LCLAT1: variants seen among roughly 807,000 people sequenced by gnomAD.
LCLAT1 encodes the protein lysocardiolipin acyltransferase 1.
A neutral mutation model predicts 30.7 loss-of-function variants in LCLAT1; 11 were observed. The ratio of observed to expected loss-of-function variants is 0.36; its 90% confidence interval spans 0.23 to 0.59. The LOEUF (loss-of-function observed/expected upper bound fraction) is 0.59, where lower values mean the gene tolerates loss of function less well. Ranked by LOEUF, LCLAT1 falls within the 20% of genes least tolerant of loss-of-function variation. The pLI is 0.77. For synonymous variants in LCLAT1, 155 were observed against 151.3 expected (o/e 1.02, Z -0.18); for missense variants, 402 against 458.6 (o/e 0.88, Z 1.13).
chr2:30,601,768 G>A (rs1667195101), intron 5 of LCLAT1, among the ~76,000 whole-genome samples: 1 of 151,478 alleles, frequency 6.6e-6, no homozygotes, highest in Admixed American at 6.6e-5. Flanking sequence ...TGACATAAAT[G>A]TTGTATATAA....
Position 30,492,540 on chromosome 2 carries a change from G to C in LCLAT1, c.-4-33047G>C, listed in dbSNP as rs1056957364. On this transcript the variant is annotated intron_variant, in intron 1 of 5. Coordinates refer to ENST00000379509, the MANE Select transcript of LCLAT1 (RefSeq NM_001002257.3). ...AAGACCTTGAATTTTAACAGTAGGA[G>C]TTTGGACTCTAAGAAGTTAAGAGTT... Among the ~76,000 whole-genome samples the C allele has an allele frequency of 7.4e-5, 11 of 148,782 alleles. No homozygotes were observed. The South Asian group carries it at 2.2e-3, about 30-fold the overall frequency.
At chr2:30,461,746 G>A (rs1553354394) in intron 1 of LCLAT1, among the ~76,000 whole-genome samples, 2 of 149,506 alleles carry the variant, frequency 1.3e-5, no homozygotes, top group Non-Finnish European at 3.0e-5. Flanking sequence ...TCTGGCTGCT[G>A]TGGACCACTT....
intron 5 of LCLAT1, among the ~76,000 whole-genome samples, chr2:30,594,372 G>A (rs560445312): frequency 6.6e-6 from 1 of 152,174 alleles, no homozygotes; most frequent in South Asian, 2.1e-4. Flanking sequence ...CCACCACCTA[G>A]AGTCTCCTCC....
At chr2:30,499,899 T>G (rs1244340975) in intron 1 of LCLAT1, among the ~76,000 whole-genome samples, 3 of 150,562 alleles carry the variant, frequency 2.0e-5, no homozygotes, top group African/African-American at 7.3e-5. Context: ...CACTTTAAGA[T>G]AAATAGAGTT....
rs1192714768 is a variant in LCLAT1, at chr2:30,596,490, G to GT, written c.628+28324dup. On this transcript the variant is annotated intron_variant, in intron 5 of 5. Transcript: ENST00000379509. ...CCTTGCCCACTTTTTTAATGGGGTTGTTTTTTTTTTCTTGTAAATTTGTTT... is the reference window on the plus strand; with the variant it reads ...CCTTGCCCACTTTTTTAATGGGGTTGTTTTTTTTTTTCTTGTAAATTTGTTT... Among the ~76,000 whole-genome samples, 705 of 147,816 alleles carry GT rather than the reference G, an allele frequency of 4.8e-3. 5 individuals carry two copies. Among genetic ancestry groups the GT allele is most frequent in the African/African-American group, 0.015 (588 of 40,448 alleles).
At chr2:30,605,836 C>A (rs543497131) in intron 5 of LCLAT1, among the ~76,000 whole-genome samples, 1 of 152,088 alleles carries the variant, frequency 6.6e-6, no homozygotes, top group African/African-American at 2.4e-5. Flanking sequence ...CATTTGTCCA[C>A]GGCTCGGGGA....
chr2:30,602,330 A>G (rs1043732471), intron 5 of LCLAT1, among the ~76,000 whole-genome samples: 2 of 152,204 alleles, frequency 1.3e-5, no homozygotes, highest in African/African-American at 4.8e-5. Flanking sequence ...GGGAGGAGTT[A>G]TAGTTCACTC....
intron 3 of LCLAT1, among the ~76,000 whole-genome samples, chr2:30,558,602 A>G (rs1376761195): frequency 6.6e-6 from 1 of 151,520 alleles, no homozygotes; most frequent in Non-Finnish European, 1.5e-5. Context: ...TGTCTCAAAA[A>G]AAAAAAAAAA....
At chr2:30,476,630 A>C (rs188698268) in intron 1 of LCLAT1, 30 of 420,974 alleles carry the variant, frequency 7.1e-5, no homozygotes, top group Non-Finnish European at 1.1e-4. Context: ...CGATTCTACC[A>C]TTATGGTGAG....
At chr2:30,603,742 ATGT>A (rs1264350183) in intron 5 of LCLAT1, among the ~76,000 whole-genome samples, 1 of 152,162 alleles carries the variant, frequency 6.6e-6, no homozygotes, top group Non-Finnish European at 1.5e-5. Context: ...TGCAACATGC[ATGT>A]AAGATTATAG....
In LCLAT1 at chr2:30,525,335, C is replaced by T. The variant is rs114097246; in HGVS notation, c.-4-252C>T. On this transcript the variant is annotated intron_variant, in intron 1 of 5. Coordinates refer to ENST00000379509, the MANE Select transcript of LCLAT1 (RefSeq NM_001002257.3). ...CAAGTGATCCACCTGCTTCAGCCTCCTAAAGTGCTGGGATTGCAGCGTGAG... is the reference window on the plus strand; with the variant it reads ...CAAGTGATCCACCTGCTTCAGCCTCTTAAAGTGCTGGGATTGCAGCGTGAG... Among the ~76,000 whole-genome samples, 683 of 152,244 alleles carry T rather than the reference C, an allele frequency of 4.5e-3. 4 individuals are homozygous for T. The highest frequency in any genetic ancestry group is 0.014 in the Middle Eastern group (4 of 294).
intron 1 of LCLAT1, among the ~76,000 whole-genome samples, chr2:30,476,964 A>G (rs987785098): frequency 6.6e-6 from 1 of 152,236 alleles, no homozygotes; most frequent in Non-Finnish European, 1.5e-5. Flanking sequence ...AATAATTTGT[A>G]CATAAGTTTT....
intron 3 of LCLAT1, among the ~76,000 whole-genome samples, chr2:30,540,402 A>G (rs549745521): frequency 1.3e-5 from 2 of 152,314 alleles, no homozygotes; most frequent in East Asian, 3.9e-4. Context: ...GCACTTACTA[A>G]TAATGTTGCA....
At chr2:30,508,261 G>T (rs775384171) in intron 1 of LCLAT1, among the ~76,000 whole-genome samples, 3 of 151,844 alleles carry the variant, frequency 2.0e-5, no homozygotes, top group African/African-American at 4.8e-5. Flanking sequence ...AATTTCTTTT[G>T]CTGTGCAAAA....
intron 1 of LCLAT1, among the ~76,000 whole-genome samples, chr2:30,455,437 C>T (rs1348268185): frequency 6.6e-6 from 1 of 152,182 alleles, no homozygotes; most frequent in East Asian, 1.9e-4. Context: ...CAGCCAAGAT[C>T]ACGGTGTCAG....
chr2:30,448,957 A>G (rs1346465261), intron 1 of LCLAT1, among the ~76,000 whole-genome samples: 1 of 152,232 alleles, frequency 6.6e-6, no homozygotes, highest in East Asian at 1.9e-4. Context: ...AAAAACAGTG[A>G]AAATATTTGA....
chr2:30,562,305 G>C lies in LCLAT1; in HGVS notation c.511+13G>C. The C allele has an allele frequency of 6.3e-7, 1 of 1,580,140 alleles. No homozygotes were observed. Among genetic ancestry groups the C allele is most frequent in the Non-Finnish European group, 8.6e-7 (1 of 1,157,814 alleles). On this transcript the variant is annotated intron_variant, in intron 4 of 5. Transcript: ENST00000379509. ...ACTGATCTCACAGGTAATGTAGCCT[G>C]GGTTTGGCAAAGTTAGAAATCATGT...
At chr2:30,452,098 G>T (rs1681580559) in intron 1 of LCLAT1, among the ~76,000 whole-genome samples, 1 of 152,206 alleles carries the variant, frequency 6.6e-6, no homozygotes, top group African/African-American at 2.4e-5. Flanking sequence ...GACTGGGAAA[G>T]GGCATGAGGG....
intron 5 of LCLAT1, among the ~76,000 whole-genome samples, chr2:30,572,097 G>T (rs1327925378): frequency 6.6e-6 from 1 of 152,276 alleles, no homozygotes; most frequent in South Asian, 2.1e-4. Flanking sequence ...TCTTCATGTT[G>T]AATTTTCAAA....
Sources: allele counts gnomAD v4.1 joint callset (sites outside exome capture counted in the v4.1 genomes callset), GRCh38; gene constraint gnomAD v4.1.1; transcripts MANE v1.5; gene names NCBI Gene and HGNC (gene_info 2026-07-23, HGNC 2026-07-21).